The following ADORA1 variants were observed in gnomAD, a reference collection of about 807,000 sequenced individuals.
ADORA1 encodes the protein adenosine A1 receptor.
A neutral mutation model predicts 19.9 loss-of-function variants in ADORA1; 6 were observed. The observed-to-expected ratio is 0.30, with a 90% confidence interval of 0.17 to 0.59. The LOEUF is 0.59. Among genes scored for constraint, ADORA1 ranks in the 20% least tolerant of loss-of-function variants. ADORA1 has a pLI of 0.87. For synonymous variants in ADORA1, 194 were observed against 188.4 expected, an observed-to-expected ratio of 1.03 and a Z score of -0.24; for missense variants, 302 against 439.2, an observed-to-expected ratio of 0.69 and a Z score of 2.79.
intron 3 of ADORA1, among the ~76,000 whole-genome samples, chr1:203,147,831 T>C (rs901432638): frequency 6.6e-6 from 1 of 152,216 alleles, no homozygotes; most frequent in Non-Finnish European, 1.5e-5. Flanking sequence ...CTGGATTTGC[T>C]CACTCCACAA....
intron 3 of ADORA1, among the ~76,000 whole-genome samples, chr1:203,148,571 C>T (rs971281190): frequency 2.6e-5 from 4 of 152,174 alleles, no homozygotes; most frequent in Non-Finnish European, 5.9e-5. Flanking sequence ...TGAGCCTTGG[C>T]CCCCCTAGCC....
chr1:203,161,498 C>G (rs1355627927), intron 3 of ADORA1, among the ~76,000 whole-genome samples: 1 of 151,884 alleles, frequency 6.6e-6, no homozygotes, highest in East Asian at 1.9e-4. Flanking sequence ...AAAGGAACGT[C>G]TCATTCCTTG....
chr1:203,161,686 C>T (rs911571487), intron 3 of ADORA1, among the ~76,000 whole-genome samples: 1 of 152,004 alleles, frequency 6.6e-6, no homozygotes, highest in Non-Finnish European at 1.5e-5. Context: ...ATTCTCCTAC[C>T]TCAGCCTCCC....
At chr1:203,146,662 A>C (rs1407524605) in intron 3 of ADORA1, among the ~76,000 whole-genome samples, 2 of 151,984 alleles carry the variant, frequency 1.3e-5, no homozygotes, top group Non-Finnish European at 2.9e-5. Context: ...AGAGAATACA[A>C]GATCTTGCAG....
chr1:203,165,609 G>A lies in ADORA1; in HGVS notation c.690G>A (p.Leu230=), dbSNP rs2102181803. ...CGCAGAAGTACTATGGGAAGGAGCT[G>A]AAGATCGCCAAGTCGCTGGCCCTCA... ...GDPQKYYGKE[L]KIAKSLALIL... is the part of the protein sequence containing the mutation. Residue 230 remains leucine, a synonymous_variant, in exon 4 of 4, where the codon CTG becomes CTA. Coordinates refer to ENST00000337894, the MANE Select transcript of ADORA1 (RefSeq NM_000674.3). The surrounding 1 kb of genome is among the most constrained non-coding windows in gnomAD (Gnocchi z 5.9). 1 of 1,613,474 alleles carries A rather than the reference G, an allele frequency of 6.2e-7. No individual in the cohort carries two copies. Among genetic ancestry groups the A allele is most frequent in the East Asian group, 2.2e-5 (1 of 44,846 alleles).
At chr1:203,137,492 C>T (rs1056772600) in intron 3 of ADORA1, among the ~76,000 whole-genome samples, 2 of 152,162 alleles carry the variant, frequency 1.3e-5, no homozygotes, top group South Asian at 2.1e-4. Flanking sequence ...CTCTCGTTGC[C>T]GTGTTGAGAA....
At chr1:203,161,657 C>T (rs915017684) in intron 3 of ADORA1, among the ~76,000 whole-genome samples, 14 of 151,818 alleles carry the variant, frequency 9.2e-5, no homozygotes, top group South Asian at 6.2e-4. Context: ...CCACAACCTC[C>T]GCCTCCTGGG....
In ADORA1 at chr1:203,159,581, C is replaced by T. The variant is rs149925156; in HGVS notation, c.342-5680C>T. ...TCTCATCCTCAGAGAGGCTGCCCTG[C>T]CCACTCACTCTCTCCTGGGGTATCC... On this transcript the variant is annotated intron_variant, in intron 3 of 3. Transcript: ENST00000337894. Among the ~76,000 whole-genome samples the T allele has an allele frequency of 2.6e-5, 4 of 152,312 alleles. No homozygotes were observed. In the East Asian group the frequency reaches 7.7e-4, roughly 29 times the overall value.
At chr1:203,149,287 T>C (rs1654958383) in intron 3 of ADORA1, among the ~76,000 whole-genome samples, 1 of 152,184 alleles carries the variant, frequency 6.6e-6, no homozygotes, top group African/African-American at 2.4e-5. Flanking sequence ...ACACACATCA[T>C]GAGTTTCCCC....
At chr1:203,150,758 T>C in intron 3 of ADORA1, 2 of 1,289,764 alleles carry the variant, frequency 1.6e-6, no homozygotes, top group Non-Finnish European at 2.0e-6. Flanking sequence ...GGTGGACTCT[T>C]TCTTTGGAAA....
intron 3 of ADORA1, among the ~76,000 whole-genome samples, chr1:203,138,317 C>T (rs985366863): frequency 3.3e-5 from 5 of 151,946 alleles, no homozygotes; most frequent in Non-Finnish European, 5.9e-5. Flanking sequence ...GAGGCCTGGG[C>T]GGGTGGTTGT....
chr1:203,164,589 G>C (rs542373811), intron 3 of ADORA1, among the ~76,000 whole-genome samples: 1 of 152,318 alleles, frequency 6.6e-6, no homozygotes, highest in African/African-American at 2.4e-5. Flanking sequence ...ACAGTGATTG[G>C]AAGGGGAAAC....
At chr1:203,134,476 G>C (rs1322272482) in intron 3 of ADORA1, among the ~76,000 whole-genome samples, 1 of 152,138 alleles carries the variant, frequency 6.6e-6, no homozygotes, top group Non-Finnish European at 1.5e-5. Flanking sequence ...TAATTGAAGA[G>C]GCATCTGGAC....
intron 3 of ADORA1, 119 bp downstream of exon 3, chr1:203,129,301 T>G: frequency 6.8e-7 from 1 of 1,467,512 alleles, no homozygotes; most frequent in South Asian, 1.4e-5. Flanking sequence ...CTTTGGGCCA[T>G]CGTGCTCCAG....
intron 3 of ADORA1, among the ~76,000 whole-genome samples, chr1:203,136,915 G>A (rs574995209): frequency 6.6e-6 from 1 of 152,296 alleles, no homozygotes; most frequent in Non-Finnish European, 1.5e-5. Context: ...ATGAGCCAGG[G>A]TCTGTTGGGA....
chr1:203,128,278 G>T lies in ADORA1; in HGVS notation c.-212G>T. 7.9e-7 allele frequency: 1 copy of T among 1,259,790 alleles called. No individual in the cohort carries two copies. The allele number at this position is 1,259,790 out of a possible 1,614,324, so 78.0% of individuals were successfully genotyped here. ...GCCGTACCATGTGATTGCTTGAAAGGCCGGGCTGGGAGCGCTGCGGCGGGA... is the reference window on the plus strand; with the variant it reads ...GCCGTACCATGTGATTGCTTGAAAGTCCGGGCTGGGAGCGCTGCGGCGGGA... On this transcript the variant is annotated splice_region_variant and 5_prime_UTR_variant, in exon 2 of 4. Coordinates refer to ENST00000337894, the MANE Select transcript of ADORA1 (RefSeq NM_000674.3). The surrounding 1 kb of genome is among the most constrained non-coding windows in gnomAD (Gnocchi z 5.9).
intron 3 of ADORA1, among the ~76,000 whole-genome samples, chr1:203,141,803 G>A (rs1334207203): frequency 2.6e-5 from 4 of 151,916 alleles, no homozygotes; most frequent in Admixed American, 6.6e-5. Flanking sequence ...GATTGGTCTC[G>A]AACTCCTGGC....
chr1:203,144,081 T>TACACACACACACACAC lies in ADORA1; in HGVS notation c.341+14925_341+14940dup, dbSNP rs10525873. 8.2e-4 allele frequency among the ~76,000 whole-genome samples: 115 copies of TACACACACACACACAC among 139,852 alleles called. 2 individuals are homozygous for TACACACACACACACAC. In the Middle Eastern group the frequency reaches 0.011, roughly 13 times the overall value. The allele number at this position is 139,852 out of a possible 152,430, so 91.7% of individuals were successfully genotyped here. ...GGGATTTAACATCAAGACTACCTCT[T>TACACACACACACACAC]ACACACACACACACACACACACACA... On this transcript the variant is annotated intron_variant, in intron 3 of 3. Coordinates refer to ENST00000337894, the MANE Select transcript of ADORA1 (RefSeq NM_000674.3).
chr1:203,142,999 A>G (rs1219561016), intron 3 of ADORA1, among the ~76,000 whole-genome samples: 1 of 152,160 alleles, frequency 6.6e-6, no homozygotes, highest in East Asian at 1.9e-4. Context: ...GGGAGAGCTG[A>G]TAGAGTGGCC....
Sources: allele counts gnomAD v4.1 joint callset (sites outside exome capture counted in the v4.1 genomes callset), GRCh38; gene constraint gnomAD v4.1.1; non-coding constraint Gnocchi (gnomAD v3.1); transcripts MANE v1.5; gene names NCBI Gene and HGNC (gene_info 2026-07-23, HGNC 2026-07-21).